Variants in PCGF6 observed in about 807,000 individuals in gnomAD.
PCGF6 encodes polycomb group ring finger 6.
A neutral mutation model predicts 45.5 loss-of-function variants in PCGF6; 24 were observed. The ratio of observed to expected loss-of-function variants is 0.53; its 90% CI spans 0.38 to 0.74. The LOEUF is 0.74. Among genes scored for constraint, PCGF6 ranks in the 30% least tolerant of loss-of-function variants. The pLI, the probability that PCGF6 is intolerant of heterozygous loss-of-function variation, is 0.00. For missense variants in PCGF6, 356 were observed against 443.2 expected, an observed-to-expected ratio of 0.80 and a Z score of 1.77; for synonymous variants, 152 against 162.1, an observed-to-expected ratio of 0.94 and a Z score of 0.47.
At position 103,351,073 on chromosome 10, in the gene PCGF6, GA is replaced by G. The variant is rs765565066; in HGVS notation, c.-8del. 2 of 1,377,192 alleles carry G rather than the reference GA, an allele frequency of 1.5e-6. No homozygotes were observed. The highest frequency in any genetic ancestry group is 3.8e-5 in the South Asian group (2 of 53,270). 85.3% of individuals were successfully genotyped at this position (1,377,192 alleles called of 1,614,324 possible). On this transcript the variant is annotated 5_prime_UTR_variant, in exon 1 of 10. Transcript: ENST00000369847. Reference sequence around the variant, plus strand: ...CCACCGCGACCCCCTCCATGGTCGGGAGAGACACCAGGCGAGGCGAGGCGGC... The same window carrying G: ...CCACCGCGACCCCCTCCATGGTCGGGGAGACACCAGGCGAGGCGAGGCGGC...
intron 8 of PCGF6, 127 bp downstream of exon 8, chr10:103,326,403 AAAAC>A (rs1030641852): frequency 9.1e-6 from 5 of 552,466 alleles, no homozygotes; most frequent in Admixed American, 7.8e-5. Context: ...AAAAAAAAAA[AAAAC>A]AATGTCTACA....
chr10:103,311,099 A>T (rs945189047), intron 9 of PCGF6, among the ~76,000 whole-genome samples: 3 of 151,986 alleles, frequency 2.0e-5, no homozygotes, highest in African/African-American at 7.2e-5. Context: ...GCCCCACAAA[A>T]TGTTGGGATT....
chr10:103,320,850 C>G (rs972315844), intron 8 of PCGF6, among the ~76,000 whole-genome samples: 1 of 151,522 alleles, frequency 6.6e-6, no homozygotes, highest in Non-Finnish European at 1.5e-5. Flanking sequence ...AAACCATGCA[C>G]ACATTTCCCA....
Position 103,346,808 on chromosome 10 carries a change from C to T in PCGF6, c.673+430G>A, listed in dbSNP as rs574777384. On this transcript the variant is annotated intron_variant, in intron 5 of 9. Transcript: ENST00000369847. Reference sequence around the variant, plus strand: ...AAACTCCGTCTCAAAATAAAAAGAACCAGGATTTAAATCCAAATCTATTTC... The same window carrying T: ...AAACTCCGTCTCAAAATAAAAAGAATCAGGATTTAAATCCAAATCTATTTC... Among the ~76,000 whole-genome samples the T allele has an allele frequency of 5.9e-5, 9 of 152,172 alleles. No homozygotes were observed. The South Asian group carries it at 1.7e-3, about 28-fold the overall frequency.
chr10:103,316,634 C>T (rs905496302), intron 8 of PCGF6, among the ~76,000 whole-genome samples: 4 of 152,094 alleles, frequency 2.6e-5, no homozygotes, highest in Admixed American at 6.6e-5. Context: ...GTCGGCAAAC[C>T]GTTTCTGCAA....
chr10:103,327,181 A>C (rs531026584), intron 7 of PCGF6, among the ~76,000 whole-genome samples: 50 of 152,122 alleles, frequency 3.3e-4, no homozygotes, highest in Non-Finnish European at 5.7e-4. Context: ...GCTACTCGGG[A>C]GGCTGAGGCA....
At chr10:103,319,436 C>T (rs61869826) in intron 8 of PCGF6, among the ~76,000 whole-genome samples, 19 of 152,272 alleles carry the variant, frequency 1.2e-4, no homozygotes, top group Non-Finnish European at 2.2e-4. Context: ...CAAGCGTGAG[C>T]CACCGGACCT....
At chr10:103,308,655 T>C (rs1200859411) in intron 9 of PCGF6, among the ~76,000 whole-genome samples, 1 of 151,984 alleles carries the variant, frequency 6.6e-6, no homozygotes, top group African/African-American at 2.4e-5. Flanking sequence ...AAAGATTGCC[T>C]GAGCCCAGGG....
chr10:103,346,830 T>G (rs1054453690), intron 5 of PCGF6, among the ~76,000 whole-genome samples: 1 of 152,186 alleles, frequency 6.6e-6, no homozygotes, highest in Non-Finnish European at 1.5e-5. Context: ...TCCAAATCTA[T>G]TTCATGTCCA....
intron 5 of PCGF6, among the ~76,000 whole-genome samples, chr10:103,346,405 C>T (rs1410059858): frequency 1.3e-5 from 2 of 152,038 alleles, no homozygotes; most frequent in African/African-American, 2.4e-5. Flanking sequence ...GAGGGCAGAT[C>T]ACGAGGTCAA....
Position 103,333,907 on chromosome 10 carries a change from A to G in PCGF6, c.810+18T>C, listed in dbSNP as rs762895847. On this transcript the variant is annotated intron_variant, in intron 7 of 9. Transcript: ENST00000369847. ...ACAGAGTCCTCTTGTGAAATGAATG[A>G]AAAAAAAAGTAAAATACCTTAAAAT... 2 of 1,512,060 alleles carry G rather than the reference A, an allele frequency of 1.3e-6. No homozygotes were observed. The highest frequency in any genetic ancestry group is 2.4e-5 in the East Asian group (1 of 40,884). The allele number at this position is 1,512,060 out of a possible 1,614,324, so 93.7% of individuals were successfully genotyped here.
chr10:103,307,713 C>T (rs1263921188), intron 9 of PCGF6, among the ~76,000 whole-genome samples: 5 of 152,020 alleles, frequency 3.3e-5, no homozygotes, highest in Admixed American at 3.3e-4. Context: ...GCTCAAGTGA[C>T]CCTCCCGCCT....
At chr10:103,333,287 A>C (rs1054103021) in intron 7 of PCGF6, among the ~76,000 whole-genome samples, 1 of 152,130 alleles carries the variant, frequency 6.6e-6, no homozygotes, top group Non-Finnish European at 1.5e-5. Context: ...CAGTATATCC[A>C]ACTAGGTATA....
At chr10:103,315,525 T>G (rs2093171693) in intron 8 of PCGF6, among the ~76,000 whole-genome samples, 1 of 152,052 alleles carries the variant, frequency 6.6e-6, no homozygotes, top group African/African-American at 2.4e-5. Flanking sequence ...ATGCCCAGCT[T>G]ATTTTTTGTA....
chr10:103,338,202 C>A (rs2093265071), intron 6 of PCGF6, among the ~76,000 whole-genome samples: 1 of 151,948 alleles, frequency 6.6e-6, no homozygotes, highest in Non-Finnish European at 1.5e-5. Context: ...GATCATGCCA[C>A]TGCACTCCAG....
intron 7 of PCGF6, among the ~76,000 whole-genome samples, chr10:103,328,273 T>TG (rs1192090550): frequency 1.3e-5 from 2 of 152,214 alleles, no homozygotes; most frequent in African/African-American, 4.8e-5. Flanking sequence ...GGCACACATT[T>TG]GTTCCATGTT....
At chr10:103,325,536 C>CT (rs2093214993) in intron 8 of PCGF6, among the ~76,000 whole-genome samples, 1 of 152,190 alleles carries the variant, frequency 6.6e-6, no homozygotes, top group Admixed American at 6.6e-5. Context: ...GCATGAGCCA[C>CT]TGCGCCTGGC....
At chr10:103,327,910 C>T (rs188692564) in intron 7 of PCGF6, among the ~76,000 whole-genome samples, 3 of 151,262 alleles carry the variant, frequency 2.0e-5, no homozygotes, top group East Asian at 3.9e-4. Flanking sequence ...CTCCTGACCT[C>T]GTGATCCACC....
chr10:103,344,231 G>A (rs887798999), intron 6 of PCGF6, among the ~76,000 whole-genome samples: 5 of 150,496 alleles, frequency 3.3e-5, no homozygotes, highest in African/African-American at 1.2e-4. Flanking sequence ...AGATATACAC[G>A]TGGCAACCAC....
Sources: allele counts gnomAD v4.1 joint callset (sites outside exome capture counted in the v4.1 genomes callset), GRCh38; gene constraint gnomAD v4.1.1; transcripts MANE v1.5; gene names NCBI Gene and HGNC (gene_info 2026-07-23, HGNC 2026-07-21).